Variants in DPEP2 observed in about 807,000 individuals in gnomAD.
DPEP2 encodes the protein dipeptidase 2.
In DPEP2, 45 loss-of-function variants were observed where a neutral mutation model predicts 51.8. The observed-to-expected ratio is 0.87, with a 90% CI of 0.68 to 1.11. The LOEUF is 1.11. DPEP2 is among the 50% of genes most tolerant of loss of function. The pLI is 0.00. For synonymous variants in DPEP2, 255 were observed against 262.7 expected (o/e 0.97, Z 0.28); for missense variants, 604 against 631.9 (o/e 0.96, Z 0.47).
chr16:67,992,325 G>C, intron 3 of DPEP2, 132 bp from the exon 4 acceptor site: 1 of 1,429,722 alleles, frequency 7.0e-7, no homozygotes, highest in Non-Finnish European at 9.4e-7. Context: ...TCTTCCACAG[G>C]GTCTTCCTGG....
At chr16:67,992,393 T>C (rs1598270623) in intron 3 of DPEP2, 117 bp downstream of exon 3, 2 of 1,489,356 alleles carry the variant, frequency 1.3e-6, no homozygotes, top group Middle Eastern at 2.4e-4. Flanking sequence ...CATGACACTT[T>C]TTGGGTCACT....
At position 67,989,342 on chromosome 16, in the gene DPEP2, C is replaced by T. The variant is rs2031831243; in HGVS notation, c.1051G>A (p.Asp351Asn). 2 of 1,614,076 alleles carry T rather than the reference C, an allele frequency of 1.2e-6. No homozygotes were observed. The highest frequency in any genetic ancestry group is 1.1e-5 in the South Asian group (1 of 91,082). The change falls in exon 9 of 11, where the codon GAT (aspartate) becomes AAT (asparagine). Residue 351 changes from aspartate to asparagine, a missense_variant. Physicochemically the swap from Asp to Asn is conservative, Grantham distance 23. Coordinates refer to ENST00000393847, the MANE Select transcript of DPEP2 (RefSeq NM_022355.4). Reference sequence around the variant, plus strand: ...ACTCACTTGCCGGCCCCATCATAATCTCCACCAATCCCGATGAACTTGGAT... The same window carrying T: ...ACTCACTTGCCGGCCCCATCATAATTTCCACCAATCCCGATGAACTTGGAT... ...IGSKFIGIGG[D>N]YDGAGKFPQG...
chr16:67,992,946 G>T lies in DPEP2; in HGVS notation c.263+4C>A. On this transcript the variant is annotated splice_donor_region_variant and intron_variant, in intron 2 of 10. Coordinates refer to ENST00000393847, the MANE Select transcript of DPEP2 (RefSeq NM_022355.4). ...CCCATCGCCCCCTTGCAGCAATTAC[G>T]CACCCGTCCACGAGCGGGAAGTCCC... 6.2e-7 allele frequency: 1 copy of T among 1,608,194 alleles called. No individual in the cohort carries two copies. Among genetic ancestry groups the T allele is most frequent in the Non-Finnish European group, 8.5e-7 (1 of 1,177,262 alleles).
chr16:67,998,487 T>C (rs1393315225), intron 1 of DPEP2, among the ~76,000 whole-genome samples: 1 of 152,196 alleles, frequency 6.6e-6, no homozygotes, highest in Non-Finnish European at 1.5e-5. Context: ...CCTCCATGCC[T>C]GAGCCTCCCA....
chr16:68,000,421 C>T (rs2032953523), upstream of DPEP2: 1 of 985,234 alleles, frequency 1.0e-6, no homozygotes, highest in Non-Finnish European at 1.2e-6. Flanking sequence ...GCTCAGAGCG[C>T]AGAGGTGGGG....
Position 67,991,313 on chromosome 16 carries a change from A to C in DPEP2, c.663-129T>G. ...CAGGGATCCAAAATGGGCCCTGCAA[A>C]TGGGCCATGCCTGGCAGCAGGAGGG... On this transcript the variant is annotated intron_variant, in intron 5 of 10. Coordinates refer to ENST00000393847, the MANE Select transcript of DPEP2 (RefSeq NM_022355.4). The surrounding 1 kb of genome is among the most constrained non-coding windows in gnomAD (Gnocchi z 5.1). The C allele has an allele frequency of 6.0e-6, 5 of 835,226 alleles. No homozygotes were observed. The highest frequency in any genetic ancestry group is 1.7e-5 in the African/African-American group (1 of 58,602). The allele number at this position is 835,226 out of a possible 1,614,324, so 51.7% of individuals were successfully genotyped here.
At position 67,993,022 on chromosome 16, in the gene DPEP2, A is replaced by G. The variant is rs764491847; in HGVS notation, c.191T>C (p.Leu64Pro). ...CAGGCCCTGGGTGCTGGGACTACTG[A>G]GTGTGGTCGAGGGAGCGTAGGTGCC... ...MPGTYAPSTT[L>P]SSPSTQGLQE... The change falls in exon 2 of 11, where the codon CTC (leucine) becomes CCC (proline). Residue 64 changes from leucine to proline, a missense_variant. By Grantham distance (98) the Leu-to-Pro change is moderately conservative. Coordinates refer to ENST00000393847, the MANE Select transcript of DPEP2 (RefSeq NM_022355.4). 1.9e-6 allele frequency: 3 copies of G among 1,597,110 alleles called. No individual in the cohort carries two copies. Among genetic ancestry groups the G allele is most frequent in the Admixed American group, 1.7e-5 (1 of 57,966 alleles).
chr16:67,999,606 C>T (rs777114427), upstream of DPEP2: 2 of 559,842 alleles, frequency 3.6e-6, no homozygotes, highest in African/African-American at 2.0e-5. Context: ...TGTGAGCCCA[C>T]GATGCCTGGC....
In DPEP2 at chr16:67,992,639, G is replaced by A; in HGVS notation, c.264-3C>T. 6.2e-7 allele frequency: 1 copy of A among 1,612,328 alleles called. No homozygotes were observed. The highest frequency in any genetic ancestry group is 1.1e-5 in the South Asian group (1 of 90,974). On this transcript the variant is annotated splice_region_variant and splice_polypyrimidine_tract_variant and intron_variant, in intron 2 of 10. Coordinates refer to ENST00000393847, the MANE Select transcript of DPEP2 (RefSeq NM_022355.4). ...GGACCAGGGGCAGGTCGTTGTGGCT[G>A]GAGGGATGTCAAGCCAGGGTCAGGT...
At position 67,992,205 on chromosome 16, in the gene DPEP2, G is replaced by A. The variant is rs1303615892; in HGVS notation, c.391-12C>T. 6.2e-7 allele frequency: 1 copy of A among 1,613,200 alleles called. No individual in the cohort carries two copies. Among genetic ancestry groups the A allele is most frequent in the Non-Finnish European group, 8.5e-7 (1 of 1,179,524 alleles). ...TAGGCTGACCAGAACTGGGGGGAAGGCCAGGGTTTGGCTTGGATGGGGGCT... is the reference window on the plus strand; with the variant it reads ...TAGGCTGACCAGAACTGGGGGGAAGACCAGGGTTTGGCTTGGATGGGGGCT... On this transcript the variant is annotated splice_polypyrimidine_tract_variant and intron_variant, in intron 3 of 10. Coordinates refer to ENST00000393847, the MANE Select transcript of DPEP2 (RefSeq NM_022355.4).
chr16:67,987,391 C>G (rs1243389037), downstream of DPEP2: 1 of 1,440,082 alleles, frequency 6.9e-7, no homozygotes, highest in South Asian at 1.4e-5. Context: ...AAACTCAGGT[C>G]TGTTTCTATG....
chr16:67,998,237 G>C (rs1229498622), intron 1 of DPEP2, among the ~76,000 whole-genome samples: 6 of 152,194 alleles, frequency 3.9e-5, no homozygotes, highest in Non-Finnish European at 8.8e-5. Flanking sequence ...GTGGGAACCG[G>C]GGCTGCGAGC....
At chr16:67,996,829 C>T (rs2032724692) in intron 1 of DPEP2, among the ~76,000 whole-genome samples, 1 of 151,784 alleles carries the variant, frequency 6.6e-6, no homozygotes, top group Non-Finnish European at 1.5e-5. Flanking sequence ...CCAGACAACA[C>T]AATTTTCCAT....
chr16:67,988,619 AAAG>A (rs2031731866), intron 9 of DPEP2, among the ~76,000 whole-genome samples: 5 of 151,188 alleles, frequency 3.3e-5, no homozygotes. Context: ...AAAAAAAAGA[AAAG>A]AAAAAAAGAA....
At chr16:67,998,894 T>C (rs1024284756) in intron 1 of DPEP2, among the ~76,000 whole-genome samples, 2 of 152,114 alleles carry the variant, frequency 1.3e-5, no homozygotes, top group East Asian at 3.9e-4. Flanking sequence ...TTAGCTAATC[T>C]GGTGGCGACG....
At position 67,993,179 on chromosome 16, in the gene DPEP2, AC is replaced by A. The variant is rs756917890; in HGVS notation, c.33del (p.Phe12LeufsTer7). On this transcript the variant is annotated frameshift_variant, in exon 2 of 11. Transcript: ENST00000393847. LOFTEE classifies it high-confidence loss of function. ...AGACTCAGCAGAGGCCACCGACCAAACGTGCCGGGACCCTCGAGGCCGGAGG... is the reference window on the plus strand; with the variant it reads ...AGACTCAGCAGAGGCCACCGACCAAAGTGCCGGGACCCTCGAGGCCGGAGG... MQPSGLEGPG[T>X]FGRWPLLSLL... The A allele has an allele frequency of 1.7e-5, 25 of 1,486,836 alleles. No homozygotes were observed. Among genetic ancestry groups the A allele is most frequent in the Non-Finnish European group, 2.2e-5 (25 of 1,114,700 alleles). The allele number at this position is 1,486,836 out of a possible 1,614,324, so 92.1% of individuals were successfully genotyped here. A position where few individuals can be genotyped will look rare whatever the true frequency, so the allele number is the denominator to read the frequency against.
At chr16:67,990,543 A>C (rs1374966105) in intron 7 of DPEP2, among the ~76,000 whole-genome samples, 57 of 152,092 alleles carry the variant, frequency 3.7e-4, no homozygotes, top group Non-Finnish European at 4.4e-5. Flanking sequence ...GGCTCACTGC[A>C]ACCTCCGCCT....
chr16:67,989,728 A>T (rs1320099012), intron 8 of DPEP2, among the ~76,000 whole-genome samples: 1 of 152,238 alleles, frequency 6.6e-6, no homozygotes, highest in Non-Finnish European at 1.5e-5. Flanking sequence ...GGAGGGACAA[A>T]GAGTACAACT....
In DPEP2 at chr16:67,993,033, G is replaced by T; in HGVS notation, c.180C>A (p.Pro60=). The T allele has an allele frequency of 6.3e-7, 1 of 1,589,252 alleles. No homozygotes were observed. Among genetic ancestry groups the T allele is most frequent in the East Asian group, 2.3e-5 (1 of 43,526 alleles). Reference sequence around the variant, plus strand: ...TGCTGGGACTACTGAGTGTGGTCGAGGGAGCGTAGGTGCCCGGCATGGTGT... The same window carrying T: ...TGCTGGGACTACTGAGTGTGGTCGATGGAGCGTAGGTGCCCGGCATGGTGT... The part of the protein sequence containing the change: ...RAHTMPGTYA[P]STTLSSPSTQ... The change falls in exon 2 of 11, where the codon CCC becomes CCA. Residue 60 remains proline (P), a synonymous_variant. Coordinates refer to ENST00000393847, the MANE Select transcript of DPEP2 (RefSeq NM_022355.4).
Sources: gnomAD v4.1 joint callset for allele counts (sites outside exome capture counted in the v4.1 genomes callset) on GRCh38, gnomAD v4.1.1 for gene constraint, Gnocchi (gnomAD v3.1) non-coding constraint, MANE v1.5 for transcripts, NCBI Gene and HGNC (gene_info 2026-07-23, HGNC 2026-07-21) for gene names.